Variants in HOOK1 observed in about 807,000 individuals in gnomAD.
HOOK1 encodes the protein protein Hook homolog 1.
Under a neutral mutation model 112.8 loss-of-function variants are expected in HOOK1, and 60 were observed. That is an observed-to-expected ratio of 0.53 (90% CI 0.43 to 0.66). The LOEUF (loss-of-function observed/expected upper bound fraction) is 0.66, where lower values mean the gene tolerates loss of function less well. Ranked by LOEUF, HOOK1 falls within the 30% of genes least tolerant of loss-of-function variation. The probability of loss-of-function intolerance (pLI) is 0.00; values close to 1 mark genes in which losing one functional copy is unlikely to be tolerated. For missense variants in HOOK1, 770 were observed against 856.0 expected (o/e 0.90, Z 1.25); for synonymous variants, 294 against 283.8 (o/e 1.04, Z -0.36).
At chr1:59,829,116 TTAC>T (rs2098392044) in intron 3 of HOOK1, among the ~76,000 whole-genome samples, 1 of 152,162 alleles carries the variant, frequency 6.6e-6, no homozygotes, top group African/African-American at 2.4e-5. Flanking sequence ...CTGTTTTATG[TTAC>T]TATGGAGTTC....
chr1:59,857,049 C>G (rs2098411110), intron 12 of HOOK1, among the ~76,000 whole-genome samples: 1 of 152,156 alleles, frequency 6.6e-6, no homozygotes, highest in African/African-American at 2.4e-5. Flanking sequence ...TTATCACAGC[C>G]TTCAGTACCT....
chr1:59,833,380 G>A (rs1047610858), intron 4 of HOOK1, 25 bp from the exon 5 acceptor site: 9 of 1,452,536 alleles, frequency 6.2e-6, no homozygotes, highest in Non-Finnish European at 7.4e-6. Flanking sequence ...ATAAATGAGT[G>A]ATCTAATTTA....
intron 1 of HOOK1, among the ~76,000 whole-genome samples, chr1:59,819,806 G>A (rs1484631814): frequency 6.6e-6 from 1 of 152,208 alleles, no homozygotes; most frequent in African/African-American, 2.4e-5. Flanking sequence ...GGAAGTCACA[G>A]TTTATTTTCC....
rs1348645961 is a variant in HOOK1, at chr1:59,815,189, G to T, written c.63+9G>T. 6.5e-7 allele frequency: 1 copy of T among 1,542,570 alleles called. No individual in the cohort carries two copies. The highest frequency in any genetic ancestry group is 8.7e-7 in the Non-Finnish European group (1 of 1,146,220). On this transcript the variant is annotated intron_variant, in intron 1 of 21. Transcript: ENST00000371208. ...ACAGCCTCATGATCTGGGTGAGTGC[G>T]AGGAGGCGAGAGGGCGAGGGGGCCA...
intron 8 of HOOK1, among the ~76,000 whole-genome samples, chr1:59,841,990 G>A (rs756092744): frequency 6.6e-6 from 1 of 152,032 alleles, no homozygotes; most frequent in East Asian, 1.9e-4. Context: ...TGCCTGTCTC[G>A]CACCCTTCTT....
intron 1 of HOOK1, among the ~76,000 whole-genome samples, chr1:59,817,549 C>G (rs1422171454): frequency 6.6e-6 from 1 of 152,010 alleles, no homozygotes; most frequent in East Asian, 1.9e-4. Context: ...CTTACCTCAC[C>G]TACCCAACTT....
chr1:59,828,707 C>T, intron 2 of HOOK1, 73 bp from the exon 3 acceptor site: 1 of 1,264,240 alleles, frequency 7.9e-7, no homozygotes, highest in Admixed American at 1.9e-5. Context: ...GTAACTTTCT[C>T]TGTTGGCTCT....
intron 12 of HOOK1, among the ~76,000 whole-genome samples, chr1:59,854,034 ATATATTTTTTTTTTTTTTTT>A (rs1362277148): frequency 5.6e-5 from 1 of 17,980 alleles, no homozygotes; most frequent in Non-Finnish European, 9.0e-5. Context: ...ATATATATAT[ATATATTTTTTTTTTTTTTTT>A]TTTTTTTTTT....
In HOOK1 at chr1:59,821,926, A is replaced by G; in HGVS notation, c.132A>G (p.Ala44=). ...VKQLTSGVAM[A]QVLHQIDAAW... ...AGCTGACTAGTGGAGTTGCCATGGC[A>G]CAAGTTCTTCATCAAATGTGAGTAG... The change falls in exon 2 of 22, where the codon GCA becomes GCG. Residue 44 remains alanine (A), a synonymous_variant. Coordinates refer to ENST00000371208, the MANE Select transcript of HOOK1 (RefSeq NM_015888.6). The G allele has an allele frequency of 6.2e-7, 1 of 1,612,460 alleles. No individual in the cohort carries two copies. The highest frequency in any genetic ancestry group is 1.1e-5 in the South Asian group (1 of 90,988).
chr1:59,833,527 A>G lies in HOOK1; in HGVS notation c.396A>G (p.Glu132=). Residue 132 remains glutamate, a synonymous_variant, in exon 5 of 22, where the codon GAA becomes GAG. Coordinates refer to ENST00000371208, the MANE Select transcript of HOOK1 (RefSeq NM_015888.6). ...TTTTAGGTTGTGCGATCAACTGTGA[A>G]AAGAAGCAAGGTAAGTGAATTTCAA... ...QLILGCAINC[E]KKQEHIQNIM... 1 of 1,559,350 alleles carries G rather than the reference A, an allele frequency of 6.4e-7. No homozygotes were observed. Among genetic ancestry groups the G allele is most frequent in the Non-Finnish European group, 8.7e-7 (1 of 1,146,220 alleles).
At chr1:59,859,880 C>A (rs2098412646) in intron 14 of HOOK1, among the ~76,000 whole-genome samples, 2 of 151,952 alleles carry the variant, frequency 1.3e-5, no homozygotes, top group African/African-American at 4.8e-5. Flanking sequence ...AATATAATTT[C>A]TATTATCTCT....
At chr1:59,841,398 C>A (rs1401427522) in intron 8 of HOOK1, among the ~76,000 whole-genome samples, 2 of 152,010 alleles carry the variant, frequency 1.3e-5, no homozygotes, top group Non-Finnish European at 2.9e-5. Flanking sequence ...ATGCTTCTAA[C>A]CCTTAAGCAT....
At position 59,821,786 on chromosome 1, in the gene HOOK1, A is replaced by G. The variant is rs553249291; in HGVS notation, c.64-72A>G. Reference sequence around the variant, plus strand: ...TGTTTTTTTTAGCTGTTTTCAATTTATGTTTGCATTTTGTAATGCTACCTT... The same window carrying G: ...TGTTTTTTTTAGCTGTTTTCAATTTGTGTTTGCATTTTGTAATGCTACCTT... On this transcript the variant is annotated intron_variant, in intron 1 of 21. Transcript: ENST00000371208. 8.4e-5 allele frequency: 89 copies of G among 1,054,432 alleles called. 1 individual carries two copies. The East Asian group carries it at 2.4e-3, about 29-fold the overall frequency. 65.3% of individuals were successfully genotyped at this position (1,054,432 alleles called of 1,614,324 possible).
Position 59,835,385 on chromosome 1 carries a change from A to G in HOOK1, c.447A>G (p.Gln149=), listed in dbSNP as rs377380659. 11 of 1,593,838 alleles carry G rather than the reference A, an allele frequency of 6.9e-6. No individual in the cohort carries two copies. In the African/African-American group the frequency reaches 1.3e-4, roughly 19 times the overall value. The part of the protein sequence containing the change: ...QNIMTLEESV[Q]HVVMTAIQEL... ...TAATGACACTGGAAGAGTCTGTTCA[A>G]CATGTGGTCATGACTGCTATTCAAG... Residue 149 remains glutamine, a synonymous_variant, in exon 6 of 22, where the codon CAA becomes CAG. Transcript: ENST00000371208.
chr1:59,815,009 G>A lies in HOOK1; in HGVS notation c.-109G>A. ...GCGTGAGCTGCGCGGGTCGGGCCTG[G>A]TACCGAGCTTTCCTGGGGGCTAGCA... On this transcript the variant is annotated 5_prime_UTR_variant, in exon 1 of 22. Transcript: ENST00000371208. The A allele has an allele frequency of 8.6e-7, 1 of 1,163,710 alleles. No homozygotes were observed. The highest frequency in any genetic ancestry group is 1.5e-5 in the African/African-American group (1 of 65,794). The allele number at this position is 1,163,710 out of a possible 1,614,324, so 72.1% of individuals were successfully genotyped here. A position where few individuals can be genotyped will look rare whatever the true frequency, so the allele number is the denominator to read the frequency against.
chr1:59,870,011 G>A (rs1644030667), intron 20 of HOOK1, among the ~76,000 whole-genome samples: 1 of 152,062 alleles, frequency 6.6e-6, no homozygotes, highest in African/African-American at 2.4e-5. Context: ...ATAAATCAGA[G>A]GCCAGGGTTG....
Position 59,872,849 on chromosome 1 carries a change from G to A in HOOK1, c.2071G>A (p.Ala691Thr). 2 of 1,491,764 alleles carry A rather than the reference G, an allele frequency of 1.3e-6. No individual in the cohort carries two copies. Among genetic ancestry groups the A allele is most frequent in the South Asian group, 1.3e-5 (1 of 74,840 alleles). The allele number at this position is 1,491,764 out of a possible 1,614,324, so 92.4% of individuals were successfully genotyped here. A position where few individuals can be genotyped will look rare whatever the true frequency, so the allele number is the denominator to read the frequency against. Residue 691 changes from alanine to threonine, a missense_variant, in exon 22 of 22, where the codon GCC becomes ACC. Coordinates refer to ENST00000371208, the MANE Select transcript of HOOK1 (RefSeq NM_015888.6). ...MESRLVSGGG[A>T]CSDTGACTPA... ...ATCTAGACTTGTGAGCGGCGGTGGT[G>A]CCTGCAGTGACACTGGTGCGTGCAC... is the stretch of plus-strand genomic sequence containing the variant.
chr1:59,847,281 C>A, intron 10 of HOOK1, 96 bp downstream of exon 10: 1 of 1,054,468 alleles, frequency 9.5e-7, no homozygotes, highest in Non-Finnish European at 1.4e-6. Context: ...TAGGATTATT[C>A]CTGTATATCA....
chr1:59,833,177 A>G (rs1339670630), intron 4 of HOOK1, among the ~76,000 whole-genome samples: 1 of 152,254 alleles, frequency 6.6e-6, no homozygotes, highest in East Asian at 1.9e-4. Flanking sequence ...AAATCAAAGG[A>G]TATTTGATGT....
Sources: allele counts gnomAD v4.1 joint callset (sites outside exome capture counted in the v4.1 genomes callset), GRCh38; gene constraint gnomAD v4.1.1; transcripts MANE v1.5; gene names NCBI Gene and HGNC (gene_info 2026-07-23, HGNC 2026-07-21).